Variants in NRP2 observed in about 807,000 individuals in gnomAD.
NRP2 encodes the protein neuropilin-2.
A neutral mutation model predicts 110.4 loss-of-function variants in NRP2; 52 were observed. The ratio of observed to expected loss-of-function variants is 0.47; its 90% CI spans 0.38 to 0.59. NRP2 has a LOEUF of 0.59. Ranked by LOEUF, NRP2 falls within the 20% of genes least tolerant of loss-of-function variation. The probability of loss-of-function intolerance (pLI) is 0.00; values close to 1 mark genes in which losing one functional copy is unlikely to be tolerated. For synonymous variants in NRP2, 508 were observed against 468.9 expected (o/e 1.08, Z -1.08); for missense variants, 1,049 against 1,203.0 (o/e 0.87, Z 1.89).
rs2105896261 is a variant in NRP2, at chr2:205,752,656, AC to A, written c.1904-177del. 1.5e-5 allele frequency: 10 copies of A among 668,694 alleles called. No individual in the cohort carries two copies. The South Asian group carries it at 1.8e-4, about 12-fold the overall frequency. The allele number at this position is 668,694 out of a possible 1,614,324, so 41.4% of individuals were successfully genotyped here. ...GGCTTTCATGCCTGGGAAGGATGAG[AC>A]CAAAGCCTGACCCGAAAGCCAGCGA... On this transcript the variant is annotated intron_variant, in intron 11 of 16. Transcript: ENST00000357785.
intron 10 of NRP2, among the ~76,000 whole-genome samples, chr2:205,747,503 T>C (rs1255057103): frequency 1.3e-5 from 2 of 152,176 alleles, no homozygotes; most frequent in Admixed American, 1.3e-4. Context: ...AACAAAAGGT[T>C]CCCAAAGCAA....
intron 9 of NRP2, 51 bp downstream of exon 9, chr2:205,743,603 A>G (rs2057484758): frequency 5.6e-6 from 9 of 1,600,794 alleles, no homozygotes; most frequent in Non-Finnish European, 7.7e-6. Flanking sequence ...AGGGAGGCTA[A>G]GTGTGGTACA....
At chr2:205,726,482 T>G (rs2057131167) in intron 6 of NRP2, among the ~76,000 whole-genome samples, 1 of 152,136 alleles carries the variant, frequency 6.6e-6, no homozygotes, top group African/African-American at 2.4e-5. Flanking sequence ...ACATGACAGC[T>G]TCTCATGATC....
At chr2:205,746,780 G>A (rs922883613) in intron 10 of NRP2, among the ~76,000 whole-genome samples, 1 of 152,246 alleles carries the variant, frequency 6.6e-6, no homozygotes, top group African/African-American at 2.4e-5. Context: ...GATGGCATGA[G>A]GGATTAATAA....
chr2:205,787,800 G>A (rs1391659885), intron 15 of NRP2, among the ~76,000 whole-genome samples: 1 of 151,520 alleles, frequency 6.6e-6, no homozygotes, highest in Non-Finnish European at 1.5e-5. Context: ...CCATAAGAGA[G>A]GGCCTTCTTA....
At position 205,682,808 on chromosome 2, in the gene NRP2, C is replaced by A; in HGVS notation, c.-483C>A. The A allele has an allele frequency of 6.1e-6, 1 of 163,206 alleles. No individual in the cohort carries two copies. The highest frequency in any genetic ancestry group is 1.6e-4 in the South Asian group (1 of 6,236). 10.1% of individuals were successfully genotyped at this position (163,206 alleles called of 1,614,324 possible). ...TTCCACTCGGGCTGTCCGGCGGCGGCTGCCTCCGCCCGTGTGTCCGTCAAG... is the reference window on the plus strand; with the variant it reads ...TTCCACTCGGGCTGTCCGGCGGCGGATGCCTCCGCCCGTGTGTCCGTCAAG... On this transcript the variant is annotated 5_prime_UTR_variant, in exon 1 of 17. It adds an upstream start codon to the 5' untranslated region. Coordinates refer to ENST00000357785, the MANE Select transcript of NRP2 (RefSeq NM_003872.3). This position sits in a 1 kb window ranked among gnomAD's most constrained non-coding sequence, Gnocchi z 4.3.
intron 7 of NRP2, among the ~76,000 whole-genome samples, chr2:205,728,663 T>C (rs1323920952): frequency 6.6e-6 from 1 of 152,250 alleles, no homozygotes; most frequent in African/African-American, 2.4e-5. Context: ...TTTTGTTGTA[T>C]ACATATGGAT....
At chr2:205,779,749 C>A (rs1026391679) in intron 15 of NRP2, 10 of 152,030 alleles carry the variant, frequency 6.6e-5, no homozygotes. Flanking sequence ...CCTGTGAGAA[C>A]AAAGTTGAAA....
At chr2:205,759,799 G>T (rs1181535406) in intron 12 of NRP2, 1 of 152,190 alleles carries the variant, frequency 6.6e-6, no homozygotes, top group Non-Finnish European at 1.5e-5. Context: ...TGTGTAGAGT[G>T]ATATTAATAG....
intron 15 of NRP2, among the ~76,000 whole-genome samples, chr2:205,790,565 C>T (rs1463146399): frequency 6.6e-6 from 1 of 152,108 alleles, no homozygotes; most frequent in African/African-American, 2.4e-5. Context: ...AGTGTTCTGC[C>T]TCTTTTACTG....
chr2:205,749,567 C>T (rs974006880), intron 10 of NRP2, 158 bp from the exon 11 acceptor site: 5 of 638,568 alleles, frequency 7.8e-6, no homozygotes, highest in African/African-American at 5.3e-5. Flanking sequence ...TATGGTGATG[C>T]CCCTGACTTC....
intron 2 of NRP2, among the ~76,000 whole-genome samples, chr2:205,713,421 T>C (rs541114866): frequency 6.6e-6 from 1 of 152,352 alleles, no homozygotes; most frequent in East Asian, 1.9e-4. Flanking sequence ...ATGATGATGG[T>C]GATGATGATG....
intron 7 of NRP2, among the ~76,000 whole-genome samples, chr2:205,733,839 G>T (rs148104821): frequency 6.6e-6 from 1 of 151,036 alleles, no homozygotes; most frequent in African/African-American, 2.4e-5. Context: ...TCCCTGATGC[G>T]TTCCTGTCTC....
intron 7 of NRP2, chr2:205,739,928 C>G: frequency 5.1e-6 from 1 of 196,862 alleles, no homozygotes; most frequent in South Asian, 9.4e-5. Context: ...GTCTGCAACC[C>G]TGACCCTGCC....
Position 205,703,843 on chromosome 2 carries a change from T to C in NRP2, c.251+6122T>C, listed in dbSNP as rs571258365. On this transcript the variant is annotated intron_variant, in intron 2 of 16. Transcript: ENST00000357785. Reference sequence around the variant, plus strand: ...AACCCAATTTCTTAACCAGTGAGCATTGTAAGGGTAGACTAAAAGGGGCTG... The same window carrying C: ...AACCCAATTTCTTAACCAGTGAGCACTGTAAGGGTAGACTAAAAGGGGCTG... Among the ~76,000 whole-genome samples, 5 of 152,250 alleles carry C rather than the reference T, an allele frequency of 3.3e-5. No homozygotes were observed. The East Asian group carries it at 7.7e-4, about 23-fold the overall frequency.
At chr2:205,791,694 T>C (rs998208874) in intron 15 of NRP2, among the ~76,000 whole-genome samples, 1 of 152,202 alleles carries the variant, frequency 6.6e-6, no homozygotes, top group African/African-American at 2.4e-5. Context: ...CACAGATATG[T>C]GAAGGTCAAC....
Position 205,795,097 on chromosome 2 carries a change from C to T in NRP2, c.*39C>T. 1 of 1,577,508 alleles carries T rather than the reference C, an allele frequency of 6.3e-7. No individual in the cohort carries two copies. The highest frequency in any genetic ancestry group is 8.7e-7 in the Non-Finnish European group (1 of 1,149,638). On this transcript the variant is annotated 3_prime_UTR_variant, in exon 17 of 17. Transcript: ENST00000357785. ...AATCCTATCTGACGTTTCATTCCAGCAAGAGGGGCTGGGGAAGATTACATT... is the reference window on the plus strand; with the variant it reads ...AATCCTATCTGACGTTTCATTCCAGTAAGAGGGGCTGGGGAAGATTACATT...
intron 2 of NRP2, among the ~76,000 whole-genome samples, chr2:205,714,910 G>A (rs1334142219): frequency 2.6e-5 from 4 of 152,154 alleles, no homozygotes; most frequent in South Asian, 2.1e-4. Context: ...TCCGGCAGCC[G>A]GCAACCCCAG....
rs2056051093 is a variant in NRP2, at chr2:205,683,102, C to T, written c.-189C>T. 6.7e-6 allele frequency: 4 copies of T among 596,050 alleles called. No individual in the cohort carries two copies. The Admixed American group carries it at 1.2e-4, about 17-fold the overall frequency. 36.9% of individuals were successfully genotyped at this position (596,050 alleles called of 1,614,324 possible). On this transcript the variant is annotated 5_prime_UTR_variant, in exon 1 of 17. Transcript: ENST00000357785. ...TTTGCTGATTTCAGGAGCTACTCTC[C>T]TCCTGGTGAGGTGGAAATTCCAGCA... is the stretch of plus-strand genomic sequence containing the variant.
Sources: gnomAD v4.1 joint callset for allele counts (sites outside exome capture counted in the v4.1 genomes callset) on GRCh38, gnomAD v4.1.1 for gene constraint, Gnocchi (gnomAD v3.1) non-coding constraint, MANE v1.5 for transcripts, NCBI Gene and HGNC (gene_info 2026-07-23, HGNC 2026-07-21) for gene names.